The following SGCD variants were observed in gnomAD, a reference collection of about 807,000 sequenced individuals.
The protein encoded by SGCD is sarcoglycan delta.
SGCD carries 18 observed loss-of-function variants against 36.6 expected under a neutral mutation model. The observed-to-expected ratio is 0.49, with a 90% CI of 0.34 to 0.73. The LOEUF is 0.73. SGCD is among the 30% of genes least tolerant of loss of function. The pLI, the probability that SGCD is intolerant of heterozygous loss-of-function variation, is 0.01. For missense variants in SGCD, 387 were observed against 346.7 expected, an observed-to-expected ratio of 1.12 and a Z score of -0.92; for synonymous variants, 133 against 130.6, an observed-to-expected ratio of 1.02 and a Z score of -0.12.
chr5:156,134,296 A>G (rs981183976), intron 3 of SGCD, among the ~76,000 whole-genome samples: 1 of 152,208 alleles, frequency 6.6e-6, no homozygotes, highest in East Asian at 1.9e-4. Context: ...TCAAAGTGGC[A>G]TAAATGTGAA....
chr5:156,631,578 G>GA (rs1399756450), intron 6 of SGCD, among the ~76,000 whole-genome samples: 1 of 150,736 alleles, frequency 6.6e-6, no homozygotes, highest in Non-Finnish European at 1.5e-5. Context: ...AGGGATAGAG[G>GA]AAAAAACTAT....
At chr5:156,074,579 C>G (rs747262302) in intron 1 of SGCD, among the ~76,000 whole-genome samples, 1 of 152,018 alleles carries the variant, frequency 6.6e-6, no homozygotes, top group Non-Finnish European at 1.5e-5. Flanking sequence ...ACTTGGGAGG[C>G]TGAGGCAGGA....
intron 3 of SGCD, among the ~76,000 whole-genome samples, chr5:156,154,662 A>C (rs1009937431): frequency 2.6e-5 from 4 of 151,652 alleles, no homozygotes; most frequent in African/African-American, 4.9e-5. Flanking sequence ...GGAGACAAAA[A>C]TTATTATCTC....
intron 3 of SGCD, among the ~76,000 whole-genome samples, chr5:156,499,842 C>T (rs1284539245): frequency 6.6e-6 from 1 of 152,038 alleles, no homozygotes; most frequent in Admixed American, 6.6e-5. Flanking sequence ...GAAGATGGTT[C>T]AGTATTCTAA....
At chr5:156,600,377 C>G (rs537282536) in intron 6 of SGCD, among the ~76,000 whole-genome samples, 4 of 152,144 alleles carry the variant, frequency 2.6e-5, no homozygotes, top group Admixed American at 6.5e-5. Flanking sequence ...AATATGAAAT[C>G]AACTTTTTTA....
chr5:155,983,393 A>G (rs910326455), intron 1 of SGCD, among the ~76,000 whole-genome samples: 45 of 152,134 alleles, frequency 3.0e-4, no homozygotes, highest in Admixed American at 3.3e-4. Flanking sequence ...TCCACCTCCC[A>G]GGTTCGAGTG....
At chr5:156,282,189 C>G (rs1015549778) in intron 3 of SGCD, among the ~76,000 whole-genome samples, 1 of 152,046 alleles carries the variant, frequency 6.6e-6, no homozygotes, top group African/African-American at 2.4e-5. Context: ...TTTCAGACAC[C>G]AAAGGGTTCT....
At chr5:155,886,922 A>G (rs111633290) in intron 1 of SGCD, among the ~76,000 whole-genome samples, 1 of 152,228 alleles carries the variant, frequency 6.6e-6, no homozygotes, top group Non-Finnish European at 1.5e-5. Context: ...TGCCAGCTGC[A>G]GATTTCCCAA....
chr5:156,453,263 G>A (rs1443684456), intron 3 of SGCD, among the ~76,000 whole-genome samples: 4 of 152,102 alleles, frequency 2.6e-5, no homozygotes, highest in South Asian at 2.1e-4. Context: ...GACTTGTCCC[G>A]CTAGTGTAGA....
intron 1 of SGCD, among the ~76,000 whole-genome samples, chr5:155,976,832 C>T (rs1043158879): frequency 1.3e-5 from 2 of 152,084 alleles, no homozygotes; most frequent in Admixed American, 6.5e-5. Flanking sequence ...CTGAACCCTC[C>T]AGCTGCCCAC....
rs12332343 is a variant in SGCD, at chr5:156,228,866, C to T, written c.-43-100668C>T. ...GTGGTGTGATGGTTAATACTGTCAA[C>T]TTGATTGGACTGAAGGACGCAAAGT... On this transcript the variant is annotated intron_variant, in intron 3 of 9. Transcript: ENST00000517913. 8.3e-3 allele frequency among the ~76,000 whole-genome samples: 1,263 copies of T among 152,164 alleles called. 21 individuals are homozygous for T. The highest frequency in any genetic ancestry group is 0.029 in the African/African-American group (1,206 of 41,514).
chr5:156,169,449 A>G (rs1763292453), intron 3 of SGCD, among the ~76,000 whole-genome samples: 1 of 152,196 alleles, frequency 6.6e-6, no homozygotes. Context: ...TAATTTCCTC[A>G]ATTGTTTACT....
chr5:156,624,605 A>G (rs1321647684), intron 6 of SGCD, among the ~76,000 whole-genome samples: 1 of 152,092 alleles, frequency 6.6e-6, no homozygotes, highest in Non-Finnish European at 1.5e-5. Context: ...AAATATAAAA[A>G]TAACCACTCT....
intron 1 of SGCD, among the ~76,000 whole-genome samples, chr5:155,983,028 AAT>A (rs1490957666): frequency 5.3e-5 from 8 of 152,204 alleles, no homozygotes; most frequent in Admixed American, 5.2e-4. Flanking sequence ...AGAGAAAAGA[AAT>A]AGGCTGCTAA....
At chr5:155,816,325 G>A in the SGCD span, among the ~76,000 whole-genome samples, 5 of 152,008 alleles carry the variant, frequency 3.3e-5, no homozygotes, top group African/African-American at 4.8e-5. Flanking sequence ...ATAGATAACC[G>A]ATTAACATAT....
chr5:155,954,323 C>G (rs889528134), intron 1 of SGCD, among the ~76,000 whole-genome samples: 2 of 152,142 alleles, frequency 1.3e-5, no homozygotes, highest in Non-Finnish European at 2.9e-5. Context: ...GTCATAAATT[C>G]GCTTTCGACT....
chr5:155,983,570 G>A (rs1758272661), intron 1 of SGCD, among the ~76,000 whole-genome samples: 1 of 152,156 alleles, frequency 6.6e-6, no homozygotes, highest in East Asian at 1.9e-4. Context: ...AAAGTGCTGG[G>A]ATTACAGGTG....
chr5:155,777,565 C>T, the SGCD span, among the ~76,000 whole-genome samples: 1 of 151,928 alleles, frequency 6.6e-6, no homozygotes, highest in African/African-American at 2.4e-5. Flanking sequence ...ACCATGTTGC[C>T]CAGACTGGTC....
chr5:155,780,280 C>G, the SGCD span, among the ~76,000 whole-genome samples: 1,482 of 152,202 alleles, frequency 9.7e-3, 29 homozygotes, highest in African/African-American at 0.034. Flanking sequence ...GTCTTTAGAG[C>G]CATATTGTGT....
Sources: allele counts gnomAD v4.1 joint callset (sites outside exome capture counted in the v4.1 genomes callset), GRCh38; gene constraint gnomAD v4.1.1; transcripts MANE v1.5; gene names NCBI Gene and HGNC (gene_info 2026-07-23, HGNC 2026-07-21).